ZMIZ1: variants seen among roughly 807,000 people sequenced by gnomAD.
ZMIZ1 encodes the protein zinc finger MIZ domain-containing protein 1.
In ZMIZ1, 17 loss-of-function variants were observed where a neutral mutation model predicts 113.9. The observed-to-expected ratio is 0.15, with a 90% CI of 0.10 to 0.22. ZMIZ1 has a LOEUF of 0.22. ZMIZ1 is among the 10% of genes least tolerant of loss of function. The probability of loss-of-function intolerance (pLI) is 1.00; values close to 1 mark genes in which losing one functional copy is unlikely to be tolerated. For synonymous variants in ZMIZ1, 607 were observed against 603.1 expected, an observed-to-expected ratio of 1.01 and a Z score of -0.09; for missense variants, 1,059 against 1,477.8, an observed-to-expected ratio of 0.72 and a Z score of 4.65.
At chr10:79,194,534 C>A (rs1430483748) in intron 4 of ZMIZ1, among the ~76,000 whole-genome samples, 2 of 152,212 alleles carry the variant, frequency 1.3e-5, no homozygotes, top group Non-Finnish European at 2.9e-5. Flanking sequence ...GTGAGGAGCC[C>A]CCTGAGGGCT....
At chr10:79,264,026 A>G (rs189186450) in intron 7 of ZMIZ1, among the ~76,000 whole-genome samples, 1 of 152,250 alleles carries the variant, frequency 6.6e-6, no homozygotes, top group East Asian at 1.9e-4. Context: ...GAGAGCCAGC[A>G]ACGGGCAGTG....
Position 79,314,498 on chromosome 10 carries a change from G to A in ZMIZ1, c.*1749G>A, listed in dbSNP as rs754425731. The A allele has an allele frequency of 1.1e-4, 36 of 331,744 alleles. No individual in the cohort carries two copies. Among genetic ancestry groups the A allele is most frequent in the Non-Finnish European group, 1.9e-4 (32 of 168,544 alleles). 20.6% of individuals were successfully genotyped at this position (331,744 alleles called of 1,614,324 possible). A position where few individuals can be genotyped will look rare whatever the true frequency, so the allele number is the denominator to read the frequency against. On this transcript the variant is annotated 3_prime_UTR_variant, in exon 25 of 25. Transcript: ENST00000334512. ...CCTTTTCTTCCTTTGTCCCGTTGTC[G>A]AGGTTTTTTCAAATAGCGTGTTGTT... is the stretch of plus-strand genomic sequence containing the variant.
intron 2 of ZMIZ1, among the ~76,000 whole-genome samples, chr10:79,131,785 G>A (rs1844783529): frequency 6.6e-6 from 1 of 152,170 alleles, no homozygotes; most frequent in Non-Finnish European, 1.5e-5. Context: ...TCATCGCAAG[G>A]GCCCGGCCCC....
At chr10:79,085,326 C>CA (rs1168665649) in intron 1 of ZMIZ1, among the ~76,000 whole-genome samples, 1 of 152,002 alleles carries the variant, frequency 6.6e-6, no homozygotes, top group Non-Finnish European at 1.5e-5. Flanking sequence ...GTAGCCTCCT[C>CA]AAGCTGGGGG....
chr10:79,117,347 G>T (rs1348821101), intron 1 of ZMIZ1, among the ~76,000 whole-genome samples: 1 of 152,230 alleles, frequency 6.6e-6, no homozygotes, highest in African/African-American at 2.4e-5. Flanking sequence ...GAGTCTTTTT[G>T]CCCTTCTTGA....
chr10:79,269,478 C>CACACAT (rs1360010197), intron 7 of ZMIZ1, among the ~76,000 whole-genome samples: 1 of 151,478 alleles, frequency 6.6e-6, no homozygotes, highest in African/African-American at 2.4e-5. Context: ...CACACACACA[C>CACACAT]ACACACACAC....
intron 5 of ZMIZ1, among the ~76,000 whole-genome samples, chr10:79,204,292 C>G (rs1371720833): frequency 2.0e-5 from 3 of 152,184 alleles, no homozygotes; most frequent in East Asian, 1.9e-4. Context: ...CTGCCCATGT[C>G]CCCTCACAGC....
At chr10:79,215,265 T>A (rs1188771765) in intron 6 of ZMIZ1, among the ~76,000 whole-genome samples, 1 of 150,930 alleles carries the variant, frequency 6.6e-6, no homozygotes, top group East Asian at 1.9e-4. Context: ...AGCTCTGACC[T>A]GAAGCCCTGT....
intron 4 of ZMIZ1, among the ~76,000 whole-genome samples, chr10:79,171,924 G>A (rs189060296): frequency 3.3e-5 from 5 of 152,302 alleles, no homozygotes; most frequent in South Asian, 4.1e-4. Flanking sequence ...CTGGTACATC[G>A]TAGGCCATAT....
At chr10:79,106,803 G>A (rs1195450275) in intron 1 of ZMIZ1, among the ~76,000 whole-genome samples, 3 of 152,204 alleles carry the variant, frequency 2.0e-5, no homozygotes, top group Non-Finnish European at 2.9e-5. Flanking sequence ...GAGGTGGTTC[G>A]GCCTGGCTTG....
At chr10:79,236,114 G>A (rs1408809623) in intron 7 of ZMIZ1, among the ~76,000 whole-genome samples, 1 of 152,244 alleles carries the variant, frequency 6.6e-6, no homozygotes, top group African/African-American at 2.4e-5. Context: ...TGGTTTCCAG[G>A]CACGATGGGT....
intron 2 of ZMIZ1, among the ~76,000 whole-genome samples, chr10:79,134,393 T>A (rs1450902454): frequency 6.6e-6 from 1 of 152,236 alleles, no homozygotes; most frequent in Non-Finnish European, 1.5e-5. Context: ...CACTGTTGTA[T>A]GCTGTTGTCA....
chr10:79,207,436 G>C (rs569847765), intron 5 of ZMIZ1, among the ~76,000 whole-genome samples: 2 of 152,214 alleles, frequency 1.3e-5, no homozygotes, highest in Non-Finnish European at 2.9e-5. Flanking sequence ...CCTGGACTCA[G>C]TACCCAACTC....
At chr10:79,253,697 C>A (rs1701898692) in intron 7 of ZMIZ1, among the ~76,000 whole-genome samples, 1 of 152,210 alleles carries the variant, frequency 6.6e-6, no homozygotes, top group Admixed American at 6.5e-5. Flanking sequence ...ACTTGCCTGG[C>A]AGCGCCCTGG....
chr10:79,252,775 CCTTA>C (rs1394943461), intron 7 of ZMIZ1, among the ~76,000 whole-genome samples: 3 of 152,162 alleles, frequency 2.0e-5, no homozygotes, highest in Non-Finnish European at 4.4e-5. Context: ...CTGCCCGTGC[CCTTA>C]CTAACAGATG....
chr10:79,139,158 AGTGTTGGTCAGGGATCTG>A (rs1399819664), intron 2 of ZMIZ1, among the ~76,000 whole-genome samples: 1 of 152,154 alleles, frequency 6.6e-6, no homozygotes, highest in African/African-American at 2.4e-5. Flanking sequence ...AATGGCTCCG[AGTGTTGGTCAGGGATCTG>A]GTGAGCAATT....
Position 79,312,777 on chromosome 10 carries a change from A to C in ZMIZ1, c.*28A>C. 6.2e-7 allele frequency: 1 copy of C among 1,602,244 alleles called. No individual in the cohort carries two copies. The highest frequency in any genetic ancestry group is 1.1e-5 in the South Asian group (1 of 90,850). On this transcript the variant is annotated 3_prime_UTR_variant, in exon 25 of 25. Transcript: ENST00000334512. ...GCCACCCGGTCGGGGCCATCCCTCC[A>C]CACTCTGCATCCTACCCCACCTACC...
intron 1 of ZMIZ1, among the ~76,000 whole-genome samples, chr10:79,093,696 G>A (rs1000946127): frequency 1.3e-5 from 2 of 152,140 alleles, no homozygotes; most frequent in Non-Finnish European, 2.9e-5. Context: ...GCCAGAAGGC[G>A]TTTTAGGCAG....
chr10:79,291,266 C>G, intron 10 of ZMIZ1, 90 bp downstream of exon 10: 14 of 1,386,048 alleles, frequency 1.0e-5, no homozygotes, highest in Non-Finnish European at 1.3e-5. Flanking sequence ...CCCAGCTCCA[C>G]GCTTTCTGCC....
Sources: gnomAD v4.1 joint callset for allele counts (sites outside exome capture counted in the v4.1 genomes callset) on GRCh38, gnomAD v4.1.1 for gene constraint, MANE v1.5 for transcripts, NCBI Gene and HGNC (gene_info 2026-07-23, HGNC 2026-07-21) for gene names.